The following CCNL1 variants were observed in gnomAD, a reference collection of about 807,000 sequenced individuals.
CCNL1 encodes the protein cyclin L1, also known as cyclin-L1.
Under a neutral mutation model 60.6 loss-of-function variants are expected in CCNL1, and 13 were observed. The ratio of observed to expected loss-of-function variants is 0.21; its 90% CI spans 0.14 to 0.34. CCNL1 has a LOEUF of 0.34. Ranked by LOEUF, CCNL1 falls within the 10% of genes least tolerant of loss-of-function variation. CCNL1 has a pLI of 1.00. For synonymous variants in CCNL1, 270 were observed against 244.3 expected (o/e 1.10, Z -0.98); for missense variants, 481 against 664.3 (o/e 0.72, Z 3.03).
intron 5 of CCNL1, chr3:157,150,887 G>A: frequency 6.1e-6 from 6 of 984,288 alleles, no homozygotes; most frequent in Non-Finnish European, 7.2e-6. Flanking sequence ...AGAAAGCTAA[G>A]ATACTTAGAA....
intron 3 of CCNL1, chr3:157,157,206 A>G (rs1738688696): frequency 2.3e-6 from 2 of 855,336 alleles, no homozygotes; most frequent in Admixed American, 4.9e-5. Flanking sequence ...AAAGGCTTCC[A>G]TGCAATTAAC....
At chr3:157,158,084 G>C (rs1157818108) in intron 3 of CCNL1, among the ~76,000 whole-genome samples, 3 of 152,192 alleles carry the variant, frequency 2.0e-5, no homozygotes, top group South Asian at 2.1e-4. Flanking sequence ...TGTAGATGCA[G>C]GAAGTCCTGC....
intron 3 of CCNL1, among the ~76,000 whole-genome samples, chr3:157,154,929 TATATATACATACATAC>T (rs1178118557): frequency 2.8e-4 from 36 of 127,992 alleles, no homozygotes; most frequent in African/African-American, 1.3e-3. Context: ...TCTCTCTCCA[TATATATACATACATAC>T]ATACATACAT....
intron 5 of CCNL1, 85 bp downstream of exon 5, chr3:157,152,092 A>G (rs1023088975): frequency 1.0e-5 from 16 of 1,562,546 alleles, no homozygotes; most frequent in Admixed American, 8.4e-5. Flanking sequence ...AACTTATCTC[A>G]TTATTTTGGA....
At chr3:157,152,462 AG>A in intron 4 of CCNL1, 1 of 1,244,622 alleles carries the variant, frequency 8.0e-7, no homozygotes, top group East Asian at 3.9e-5. Context: ...ACAGGAAAAA[AG>A]GCAATTAAAA....
intron 3 of CCNL1, among the ~76,000 whole-genome samples, chr3:157,158,407 G>A (rs557085644): frequency 6.6e-6 from 1 of 152,278 alleles, no homozygotes; most frequent in East Asian, 1.9e-4. Context: ...TCTAACAAAA[G>A]CCAACCTCAA....
At position 157,148,253 on chromosome 3, in the gene CCNL1, C is replaced by T. The variant is rs1047572751; in HGVS notation, c.1569G>A (p.Arg523=). ...AAGGAAGAGAAAGTCAGCGCCTGTG[C>T]CTGCCATGTCCTGAGCGACTGCCAC... is the stretch of plus-strand genomic sequence containing the variant. ...HHGGSRSGHG[R]HRR Residue 523 remains arginine (R), a synonymous_variant, in exon 11 of 11, where the codon AGG becomes AGA. Coordinates refer to ENST00000295926, the MANE Select transcript of CCNL1 (RefSeq NM_020307.4). 2 of 1,612,694 alleles carry T rather than the reference C, an allele frequency of 1.2e-6. No homozygotes were observed. The highest frequency in any genetic ancestry group is 2.7e-5 in the African/African-American group (2 of 74,872).
chr3:157,150,389 A>G lies in CCNL1; in HGVS notation c.675-8T>C. On this transcript the variant is annotated splice_region_variant and splice_polypyrimidine_tract_variant and intron_variant, in intron 5 of 10. Coordinates refer to ENST00000295926, the MANE Select transcript of CCNL1 (RefSeq NM_020307.4). ...CTGTCATTCATGTAATTCCTGAAAA[A>G]TATTTCAACTATAAGCTTGCATGTA... 5 of 1,612,682 alleles carry G rather than the reference A, an allele frequency of 3.1e-6. No individual in the cohort carries two copies. The highest frequency in any genetic ancestry group is 4.2e-6 in the Non-Finnish European group (5 of 1,179,114).
intron 4 of CCNL1, 61 bp from the exon 5 acceptor site, chr3:157,152,302 C>A: frequency 6.4e-7 from 1 of 1,564,238 alleles, no homozygotes; most frequent in South Asian, 1.2e-5. Context: ...GAGTAGAGTT[C>A]AATGAAAAAA....
chr3:157,150,830 AG>A (rs1738132154), intron 5 of CCNL1: 1 of 987,430 alleles, frequency 1.0e-6, no homozygotes, highest in Admixed American at 6.0e-5. Context: ...TACCGTTAAC[AG>A]GGGTAAAAAG....
Position 157,147,938 on chromosome 3 carries a change from A to C in CCNL1, c.*303T>G. 3.7e-6 allele frequency: 4 copies of C among 1,081,326 alleles called. No individual in the cohort carries two copies. The highest frequency in any genetic ancestry group is 4.5e-6 in the Non-Finnish European group (4 of 892,434). The allele number at this position is 1,081,326 out of a possible 1,614,324, so 67.0% of individuals were successfully genotyped here. A position where few individuals can be genotyped will look rare whatever the true frequency, so the allele number is the denominator to read the frequency against. On this transcript the variant is annotated 3_prime_UTR_variant, in exon 11 of 11. Coordinates refer to ENST00000295926, the MANE Select transcript of CCNL1 (RefSeq NM_020307.4). ...GTGTCTGCAATTTTATCTGTATAAAAATAAGATACATTTTTACAGAATTCA... is the reference window on the plus strand; with the variant it reads ...GTGTCTGCAATTTTATCTGTATAAACATAAGATACATTTTTACAGAATTCA...
In CCNL1 at chr3:157,149,981, T is replaced by A; in HGVS notation, c.880-4A>T. On this transcript the variant is annotated splice_region_variant and splice_polypyrimidine_tract_variant and intron_variant, in intron 7 of 10. Coordinates refer to ENST00000295926, the MANE Select transcript of CCNL1 (RefSeq NM_020307.4). ...TTTCCAGTAATTCATAGTTTGGCTG[T>A]TGGAGGAAAAAAAAGTTAGTATTTC... The A allele has an allele frequency of 6.3e-7, 1 of 1,582,178 alleles. No homozygotes were observed. The highest frequency in any genetic ancestry group is 8.5e-7 in the Non-Finnish European group (1 of 1,170,510).
chr3:157,148,190 AC>A lies in CCNL1; in HGVS notation c.*50del. The stretch of plus-strand genomic sequence containing the variant: ...GTTTTTGATTGAGTCCATACATCAC[AC>A]TGTAGATAGGCAAAACCAAGAACTG... On this transcript the variant is annotated 3_prime_UTR_variant, in exon 11 of 11. Coordinates refer to ENST00000295926, the MANE Select transcript of CCNL1 (RefSeq NM_020307.4). The A allele has an allele frequency of 1.3e-6, 2 of 1,571,054 alleles. No homozygotes were observed. The highest frequency in any genetic ancestry group is 2.4e-5 in the South Asian group (2 of 83,484).
At chr3:157,152,457 A>G in intron 4 of CCNL1, 2 of 1,249,068 alleles carry the variant, frequency 1.6e-6, no homozygotes, top group Non-Finnish European at 2.0e-6. Flanking sequence ...ATTGTACAGG[A>G]AAAAAGGCAA....
At chr3:157,150,447 T>A in intron 5 of CCNL1, 66 bp from the exon 6 acceptor site, 3 of 1,556,050 alleles carry the variant, frequency 1.9e-6, no homozygotes, top group Middle Eastern at 1.8e-4. Context: ...TTACATAAAA[T>A]TGGAGACTCA....
intron 3 of CCNL1, among the ~76,000 whole-genome samples, chr3:157,157,765 CTTT>C (rs1221645670): frequency 1.3e-5 from 2 of 152,096 alleles, no homozygotes; most frequent in Non-Finnish European, 2.9e-5. Context: ...CTAGGATACT[CTTT>C]TTTTAAAAAA....
At chr3:157,146,980 A>G (rs148956059), downstream of CCNL1, among the ~76,000 whole-genome samples, 33 of 152,230 alleles carry the variant, frequency 2.2e-4, 1 homozygote, top group East Asian at 5.8e-3. Flanking sequence ...TTGTGAAGCT[A>G]TTTTTTCCAG....
intron 5 of CCNL1, chr3:157,151,265 G>A (rs1357882124): frequency 2.2e-5 from 22 of 985,354 alleles, no homozygotes; most frequent in Non-Finnish European, 2.5e-5. Context: ...TTGCTGGGAA[G>A]CCCAGAATAT....
intron 3 of CCNL1, among the ~76,000 whole-genome samples, chr3:157,155,941 T>G (rs1479793052): frequency 6.6e-6 from 1 of 152,222 alleles, no homozygotes; most frequent in African/African-American, 2.4e-5. Context: ...ATTGTCCAAT[T>G]TTTCTGATTT....
Sources: allele counts gnomAD v4.1 joint callset (sites outside exome capture counted in the v4.1 genomes callset), GRCh38; gene constraint gnomAD v4.1.1; transcripts MANE v1.5; gene names NCBI Gene and HGNC (gene_info 2026-07-23, HGNC 2026-07-21).